The following FAM13B variants were observed in gnomAD, a reference collection of about 807,000 sequenced individuals.
FAM13B encodes protein FAM13B.
Under a neutral mutation model 117.3 loss-of-function variants are expected in FAM13B, and 60 were observed. The observed-to-expected ratio is 0.51, with a 90% confidence interval of 0.42 to 0.63. The LOEUF (loss-of-function observed/expected upper bound fraction) is 0.63. Among genes scored for constraint, FAM13B ranks in the 30% least tolerant of loss-of-function variants. FAM13B has a pLI of 0.00. For missense variants in FAM13B, 972 were observed against 1,091.9 expected, an observed-to-expected ratio of 0.89 and a Z score of 1.55; for synonymous variants, 332 against 356.1, an observed-to-expected ratio of 0.93 and a Z score of 0.76.
Position 137,938,734 on chromosome 5 carries a change from C to T in FAM13B, c.*1491G>A, listed in dbSNP as rs983438422. ...ATTTATTATCAAACTACTTCATGTG[C>T]TTACTATGTAATAGTGCCAGAAGTC... On this transcript the variant is annotated 3_prime_UTR_variant, in exon 24 of 24. Coordinates refer to ENST00000689681, the MANE Select transcript of FAM13B (RefSeq NM_001385994.1). The T allele has an allele frequency of 7.9e-5, 12 of 152,066 alleles. No homozygotes were observed. Among genetic ancestry groups the T allele is most frequent in the Non-Finnish European group, 1.5e-4 (10 of 67,976 alleles). The allele number at this position is 152,066 out of a possible 1,614,324, so 9.4% of individuals were successfully genotyped here. A position where few individuals can be genotyped will look rare whatever the true frequency, so the allele number is the denominator to read the frequency against.
intron 18 of FAM13B, 23 bp downstream of exon 18, chr5:137,948,932 C>T: frequency 6.3e-7 from 1 of 1,590,974 alleles, no homozygotes; most frequent in South Asian, 1.1e-5. Context: ...CTAATCTGGG[C>T]AAAAATCATA....
At chr5:137,958,456 A>C (rs1191719588) in intron 13 of FAM13B, among the ~76,000 whole-genome samples, 1 of 152,150 alleles carries the variant, frequency 6.6e-6, no homozygotes, top group African/African-American at 2.4e-5. Flanking sequence ...CTTAAAAAAA[A>C]AAACAAGACC....
At chr5:137,970,450 C>T (rs1000473762) in intron 10 of FAM13B, among the ~76,000 whole-genome samples, 3 of 151,732 alleles carry the variant, frequency 2.0e-5, no homozygotes, top group Admixed American at 2.0e-4. Flanking sequence ...TAAAAGAGCT[C>T]CTGAAGGAAG....
Position 137,952,758 on chromosome 5 carries a change from T to C in FAM13B, c.1849-49A>G, listed in dbSNP as rs370674546. 16 of 1,066,388 alleles carry C rather than the reference T, an allele frequency of 1.5e-5. 1 individual carries two copies. In the African/African-American group the frequency reaches 2.1e-4, roughly 14 times the overall value. 66.1% of individuals were successfully genotyped at this position (1,066,388 alleles called of 1,614,324 possible). On this transcript the variant is annotated intron_variant, in intron 16 of 23. Transcript: ENST00000689681. ...ACTGACACTTGTGATAAGCAATAGT[T>C]ACATTAATTTATGTCCAAATAGTAT...
At chr5:138,048,275 A>C (rs1317305709) in intron 1 of FAM13B, among the ~76,000 whole-genome samples, 1 of 152,256 alleles carries the variant, frequency 6.6e-6, no homozygotes, top group Admixed American at 6.5e-5. Flanking sequence ...GCCAAATGGC[A>C]CTTTGGAGTA....
chr5:137,981,284 A>G (rs1775672638), intron 10 of FAM13B, among the ~76,000 whole-genome samples: 1 of 151,632 alleles, frequency 6.6e-6, no homozygotes, highest in African/African-American at 2.4e-5. Context: ...TAAACAGACT[A>G]GTAATATAAA....
At chr5:138,032,684 C>A (rs1179182036) in intron 1 of FAM13B, 98 bp downstream of exon 1, 11 of 975,994 alleles carry the variant, frequency 1.1e-5, no homozygotes, top group Non-Finnish European at 4.9e-6. Flanking sequence ...AGAGCAGGCG[C>A]GGGTGGCAGG....
intron 10 of FAM13B, among the ~76,000 whole-genome samples, chr5:137,968,005 C>T (rs747041324): frequency 6.6e-5 from 10 of 152,020 alleles, no homozygotes; most frequent in African/African-American, 1.9e-4. Context: ...GGGCGGATCA[C>T]GAAGTCAGGA....
chr5:137,977,033 TTC>T (rs1774222504), intron 10 of FAM13B, among the ~76,000 whole-genome samples: 1 of 152,188 alleles, frequency 6.6e-6, no homozygotes, highest in Non-Finnish European at 1.5e-5. Context: ...TATCGCTGAA[TTC>T]TTTTTCTCAG....
At chr5:138,009,895 A>C (rs1461571347) in intron 6 of FAM13B, among the ~76,000 whole-genome samples, 1 of 152,194 alleles carries the variant, frequency 6.6e-6, no homozygotes, top group African/African-American at 2.4e-5. Context: ...TATCAAAAAA[A>C]ATTTTTAAAG....
intron 1 of FAM13B, among the ~76,000 whole-genome samples, chr5:138,022,826 AT>A (rs1413701596): frequency 6.8e-6 from 1 of 147,922 alleles, no homozygotes; most frequent in East Asian, 2.0e-4. Context: ...TCAAGAAGCT[AT>A]TTTCTTTTTT....
intron 10 of FAM13B, among the ~76,000 whole-genome samples, chr5:137,972,829 G>A (rs1248145396): frequency 6.6e-6 from 1 of 152,092 alleles, no homozygotes; most frequent in Admixed American, 6.6e-5. Context: ...GACAAACAGA[G>A]CCAAATCATG....
intron 1 of FAM13B, among the ~76,000 whole-genome samples, chr5:138,030,720 C>A (rs1030300240): frequency 6.9e-6 from 1 of 144,594 alleles, no homozygotes; most frequent in Non-Finnish European, 1.5e-5. Flanking sequence ...GTCCCCCCCC[C>A]CCAAAAAAAA....
intron 2 of FAM13B, among the ~76,000 whole-genome samples, chr5:138,019,665 T>C (rs983604867): frequency 6.9e-5 from 10 of 144,934 alleles, no homozygotes; most frequent in Admixed American, 6.7e-4. Context: ...TTCTACATGA[T>C]AAAGCAGCTG....
chr5:138,000,909 G>A (rs1400707027), intron 7 of FAM13B, among the ~76,000 whole-genome samples: 13 of 133,888 alleles, frequency 9.7e-5, no homozygotes, highest in African/African-American at 3.1e-4. Flanking sequence ...CAGCCTGGGC[G>A]ACAGAGCAAG....
Position 137,941,328 on chromosome 5 carries a change from C to T in FAM13B, c.2690+616G>A, listed in dbSNP as rs192496483. 3.3e-5 allele frequency among the ~76,000 whole-genome samples: 5 copies of T among 152,022 alleles called. No individual in the cohort carries two copies. In the East Asian group the frequency reaches 9.6e-4, roughly 29 times the overall value. On this transcript the variant is annotated intron_variant, in intron 23 of 23. Transcript: ENST00000689681. ...TTAGCTATCAGCTTGGTAAGATAAC[C>T]CAGCTACTTAGAAAAATGTTTCTCA...
At chr5:137,950,176 T>A (rs73299216) in intron 17 of FAM13B, among the ~76,000 whole-genome samples, 628 of 152,326 alleles carry the variant, frequency 4.1e-3, no homozygotes, top group African/African-American at 0.014. Flanking sequence ...AAGAATGCTA[T>A]GATCTATAGG....
intron 20 of FAM13B, among the ~76,000 whole-genome samples, chr5:137,943,642 G>A (rs1283905321): frequency 6.6e-6 from 1 of 152,186 alleles, no homozygotes; most frequent in African/African-American, 2.4e-5. Flanking sequence ...CTACTCAGGA[G>A]GCTGAGGCAG....
At chr5:137,992,051 G>A (rs1329920338) in intron 7 of FAM13B, among the ~76,000 whole-genome samples, 2 of 151,790 alleles carry the variant, frequency 1.3e-5, no homozygotes, top group Non-Finnish European at 2.9e-5. Flanking sequence ...CGCCAAATAA[G>A]TGGGACTACA....
Sources: gnomAD v4.1 joint callset for allele counts (sites outside exome capture counted in the v4.1 genomes callset) on GRCh38, gnomAD v4.1.1 for gene constraint, MANE v1.5 for transcripts, NCBI Gene and HGNC (gene_info 2026-07-23, HGNC 2026-07-21) for gene names.